PITPNC1: variants seen among roughly 807,000 people sequenced by gnomAD.
PITPNC1 encodes cytoplasmic phosphatidylinositol transfer protein 1.
PITPNC1 carries 18 observed loss-of-function variants against 44.7 expected under a neutral mutation model. That is an observed-to-expected ratio of 0.40 (90% CI 0.28 to 0.60). The LOEUF (loss-of-function observed/expected upper bound fraction) is 0.60, where lower values mean the gene tolerates loss of function less well. Among genes scored for constraint, PITPNC1 ranks in the 20% least tolerant of loss-of-function variants. PITPNC1 has a pLI of 0.39. For missense variants in PITPNC1, 290 were observed against 418.4 expected, an observed-to-expected ratio of 0.69 and a Z score of 2.68; for synonymous variants, 141 against 149.6, an observed-to-expected ratio of 0.94 and a Z score of 0.42.
intron 1 of PITPNC1, among the ~76,000 whole-genome samples, chr17:67,447,572 G>C (rs1428273775): frequency 1.3e-5 from 2 of 151,572 alleles, no homozygotes; most frequent in African/African-American, 4.8e-5. Flanking sequence ...TCACCATCTT[G>C]CCCAGGCTGT....
chr17:67,408,118 C>G (rs2143835567), intron 1 of PITPNC1, among the ~76,000 whole-genome samples: 1 of 152,004 alleles, frequency 6.6e-6, no homozygotes, highest in Non-Finnish European at 1.5e-5. Flanking sequence ...CCACGCCCAG[C>G]TAATTTTTTG....
intron 6 of PITPNC1, among the ~76,000 whole-genome samples, chr17:67,655,122 A>G (rs77494516): frequency 0.021 from 3,189 of 152,324 alleles, 125 homozygotes; most frequent in African/African-American, 0.071. Context: ...TTACAATTCC[A>G]GAGGCTGGCA....
intron 1 of PITPNC1, among the ~76,000 whole-genome samples, chr17:67,450,673 C>T (rs1241243911): frequency 1.3e-5 from 2 of 152,130 alleles, no homozygotes; most frequent in Non-Finnish European, 2.9e-5. Context: ...GTGATCCACC[C>T]GCATCAGACT....
intron 5 of PITPNC1, among the ~76,000 whole-genome samples, chr17:67,626,597 T>A (rs1308459019): frequency 2.6e-5 from 4 of 152,130 alleles, no homozygotes; most frequent in Non-Finnish European, 4.4e-5. Context: ...CTTAAACTTC[T>A]GACCTCAGGT....
intron 5 of PITPNC1, among the ~76,000 whole-genome samples, chr17:67,618,351 C>T (rs573955890): frequency 3.8e-4 from 39 of 102,186 alleles, no homozygotes; most frequent in African/African-American, 1.3e-3. Flanking sequence ...GGTGAGAGAG[C>T]GAGACTCCGT....
At chr17:67,462,225 C>CTTTTTTTTTTTTTTTTT (rs549707875) in intron 1 of PITPNC1, among the ~76,000 whole-genome samples, 28 of 71,256 alleles carry the variant, frequency 3.9e-4, no homozygotes, top group Non-Finnish European at 6.1e-4. Context: ...TTCTTTCTTT[C>CTTTTTTTTTTTTTTTTT]TTTTTTTTTT....
intron 6 of PITPNC1, among the ~76,000 whole-genome samples, chr17:67,640,213 A>G (rs2042077787): frequency 6.6e-6 from 1 of 151,912 alleles, no homozygotes; most frequent in Non-Finnish European, 1.5e-5. Context: ...CATCACTGGG[A>G]TGGGGAGAAG....
rs140549266 is a variant in PITPNC1 at position 67,660,515 on chromosome 17, T to G, written c.463-8993T>G. Among the ~76,000 whole-genome samples, 1,394 of 139,676 alleles carry G rather than the reference T, an allele frequency of 1.0e-2. 88 individuals are homozygous for G. Among genetic ancestry groups the G allele is most frequent in the Admixed American group, 0.091 (1,311 of 14,468 alleles). 91.6% of individuals were successfully genotyped at this position (139,676 alleles called of 152,430 possible). On this transcript the variant is annotated intron_variant, in intron 6 of 8. Coordinates refer to ENST00000581322, the MANE Select transcript of PITPNC1 (RefSeq NM_012417.4). ...TGTATCATATATATTTTATTTTATT[T>G]TATTTTATTTATTTATTTATTTATT...
chr17:67,673,303 G>C (rs939082567), intron 7 of PITPNC1, among the ~76,000 whole-genome samples: 1 of 152,138 alleles, frequency 6.6e-6, no homozygotes, highest in Non-Finnish European at 1.5e-5. Flanking sequence ...ATGTTACAGG[G>C]ATACTGTGAG....
At position 67,425,203 on chromosome 17, in the gene PITPNC1, G is replaced by GCACACACACACA. The variant is rs60705271; in HGVS notation, c.48+47050_48+47061dup. ...CCATGTTGTGCGCGCGCACGCACAC[G>GCACACACACACA]CACACACACACACACACACACACAC... On this transcript the variant is annotated intron_variant, in intron 1 of 8. Transcript: ENST00000581322. 7.5e-3 allele frequency among the ~76,000 whole-genome samples: 741 copies of GCACACACACACA among 98,746 alleles called. 23 individuals carry two copies. The highest frequency in any genetic ancestry group is 0.042 in the East Asian group (117 of 2,754). 64.8% of individuals were successfully genotyped at this position (98,746 alleles called of 152,430 possible).
chr17:67,663,553 G>T (rs972523854), intron 6 of PITPNC1, among the ~76,000 whole-genome samples: 6 of 151,414 alleles, frequency 4.0e-5, no homozygotes, highest in African/African-American at 1.5e-4. Flanking sequence ...GGGCAACACA[G>T]CGAGACTCCA....
At chr17:67,486,024 G>T (rs373266819) in intron 1 of PITPNC1, among the ~76,000 whole-genome samples, 1 of 152,186 alleles carries the variant, frequency 6.6e-6, no homozygotes, top group African/African-American at 2.4e-5. Flanking sequence ...ATGCTCCTTA[G>T]ACGCATTAAA....
chr17:67,555,839 A>G (rs769848021), intron 4 of PITPNC1, among the ~76,000 whole-genome samples: 2 of 152,108 alleles, frequency 1.3e-5, no homozygotes, highest in African/African-American at 2.4e-5. Context: ...GTGAGAGTCC[A>G]TCTCAAAAAT....
Position 67,676,258 on chromosome 17 carries a change from G to T in PITPNC1, c.682+716G>T, listed in dbSNP as rs1441316629. 2.0e-5 allele frequency among the ~76,000 whole-genome samples: 3 copies of T among 151,916 alleles called. No homozygotes were observed. Among genetic ancestry groups the T allele is most frequent in the Non-Finnish European group, 4.4e-5 (3 of 67,988 alleles). ...AACTACCCCTCAACAAATATATACA[G>T]GTTCTGCAAGAATTTAAGGGCAGAC... On this transcript the variant is annotated intron_variant, in intron 8 of 8. Coordinates refer to ENST00000581322, the MANE Select transcript of PITPNC1 (RefSeq NM_012417.4). The surrounding 1 kb of genome is among the most constrained non-coding windows in gnomAD (Gnocchi z 4.0).
chr17:67,691,813 C>G (rs2042932121), intron 8 of PITPNC1, among the ~76,000 whole-genome samples: 1 of 152,092 alleles, frequency 6.6e-6, no homozygotes, highest in South Asian at 2.1e-4. Flanking sequence ...CAAGACCAGC[C>G]TAGGCAACAT....
intron 1 of PITPNC1, among the ~76,000 whole-genome samples, chr17:67,483,221 A>C (rs1401627348): frequency 6.6e-6 from 1 of 152,210 alleles, no homozygotes; most frequent in Admixed American, 6.5e-5. Flanking sequence ...TCAGAAACTC[A>C]TTTGGGGCAG....
At chr17:67,516,656 A>G (rs1244063256) in intron 1 of PITPNC1, among the ~76,000 whole-genome samples, 1 of 152,074 alleles carries the variant, frequency 6.6e-6, no homozygotes, top group Non-Finnish European at 1.5e-5. Flanking sequence ...GATGGAGTCT[A>G]GCTCAGTCGC....
chr17:67,448,881 C>G (rs1171024261), intron 1 of PITPNC1, among the ~76,000 whole-genome samples: 1 of 152,342 alleles, frequency 6.6e-6, no homozygotes, highest in East Asian at 1.9e-4. Context: ...GTTCTCCTGC[C>G]TCAGCCTCCC....
At chr17:67,650,277 A>G (rs1410286038) in intron 6 of PITPNC1, among the ~76,000 whole-genome samples, 3 of 152,078 alleles carry the variant, frequency 2.0e-5, no homozygotes, top group African/African-American at 7.2e-5. Flanking sequence ...AGTGCCTGAC[A>G]CAGACTCTGG....
Sources: allele counts gnomAD v4.1 joint callset (sites outside exome capture counted in the v4.1 genomes callset), GRCh38; gene constraint gnomAD v4.1.1; non-coding constraint Gnocchi (gnomAD v3.1); transcripts MANE v1.5; gene names NCBI Gene and HGNC (gene_info 2026-07-23, HGNC 2026-07-21).